MAP3K7CL: variants seen among roughly 807,000 people sequenced by gnomAD.
MAP3K7CL encodes MAP3K7 C-terminal like.
In MAP3K7CL, 16 loss-of-function variants were observed where a neutral mutation model predicts 18.6. That is an observed-to-expected ratio of 0.86 (90% CI 0.58 to 1.31). The LOEUF (loss-of-function observed/expected upper bound fraction) is 1.31. MAP3K7CL is among the 50% of genes most tolerant of loss of function. The pLI is 0.00. For synonymous variants in MAP3K7CL, 65 were observed against 66.8 expected (o/e 0.97, Z 0.13); for missense variants, 163 against 174.4 (o/e 0.93, Z 0.37).
chr21:29,168,973 T>C (rs2087757331), intron 4 of MAP3K7CL, among the ~76,000 whole-genome samples: 1 of 152,224 alleles, frequency 6.6e-6, no homozygotes, highest in Non-Finnish European at 1.5e-5. Flanking sequence ...TGATTGATAG[T>C]GGGAATCTCC....
intron 2 of MAP3K7CL, among the ~76,000 whole-genome samples, chr21:29,136,924 C>T (rs1162719849): frequency 6.6e-6 from 1 of 151,138 alleles, no homozygotes; most frequent in Non-Finnish European, 1.5e-5. Context: ...AAGGATATGG[C>T]TTTACAGCCA....
intron 4 of MAP3K7CL, among the ~76,000 whole-genome samples, chr21:29,119,662 CT>C (rs58443653): frequency 0.024 from 3,262 of 135,060 alleles, 97 homozygotes; most frequent in African/African-American, 0.081. Flanking sequence ...AATCCTAAAA[CT>C]TTTTTTTTTT....
At chr21:29,148,210 ATC>A (rs991996084) in intron 2 of MAP3K7CL, among the ~76,000 whole-genome samples, 3 of 151,890 alleles carry the variant, frequency 2.0e-5, no homozygotes, top group Admixed American at 1.3e-4. Context: ...CCTGTACTGT[ATC>A]TCTATTATAT....
At chr21:29,141,229 T>C (rs2086999772) in intron 2 of MAP3K7CL, among the ~76,000 whole-genome samples, 1 of 152,126 alleles carries the variant, frequency 6.6e-6, no homozygotes, top group Non-Finnish European at 1.5e-5. Context: ...ATAAAATTTG[T>C]CCTTGGCTGG....
At chr21:29,129,872 T>C (rs754900747), upstream of MAP3K7CL, among the ~76,000 whole-genome samples, 6 of 152,238 alleles carry the variant, frequency 3.9e-5, no homozygotes, top group Non-Finnish European at 5.9e-5. Flanking sequence ...TGGTATTTCA[T>C]TGTTGTCTTA....
chr21:29,079,312 G>A (rs891080971), intron 1 of MAP3K7CL, among the ~76,000 whole-genome samples: 3 of 152,244 alleles, frequency 2.0e-5, no homozygotes, highest in African/African-American at 7.2e-5. Flanking sequence ...AGTGCCAAGA[G>A]ACAGGAAGGA....
At chr21:29,107,272 G>A (rs1242950246) in intron 4 of MAP3K7CL, among the ~76,000 whole-genome samples, 4 of 152,002 alleles carry the variant, frequency 2.6e-5, no homozygotes, top group Admixed American at 6.6e-5. Context: ...CAGGGATCTC[G>A]CCACTGCACT....
chr21:29,139,777 G>T (rs2086963988), intron 2 of MAP3K7CL, among the ~76,000 whole-genome samples: 1 of 151,686 alleles, frequency 6.6e-6, no homozygotes, highest in Non-Finnish European at 1.5e-5. Context: ...TAGAGATGGG[G>T]TTTCCCCATG....
At chr21:29,095,399 T>C (rs561405028) in intron 4 of MAP3K7CL, among the ~76,000 whole-genome samples, 1 of 152,284 alleles carries the variant, frequency 6.6e-6, no homozygotes, top group African/African-American at 2.4e-5. Context: ...CTGTTCTGCA[T>C]GTCATCTGAT....
chr21:29,150,771 C>CTTT (rs34512099), intron 3 of MAP3K7CL, among the ~76,000 whole-genome samples: 34 of 127,136 alleles, frequency 2.7e-4, no homozygotes, highest in Admixed American at 4.1e-4. Context: ...TCTACCTTTC[C>CTTT]TTTTTTTTTT....
At chr21:29,172,236 A>ATT (rs2087852962) in intron 4 of MAP3K7CL, among the ~76,000 whole-genome samples, 1 of 53,320 alleles carries the variant, frequency 1.9e-5, no homozygotes, top group East Asian at 4.2e-4. Flanking sequence ...CTGTGTTGTC[A>ATT]TTTTCTTTTT....
intron 1 of MAP3K7CL, among the ~76,000 whole-genome samples, chr21:29,088,219 G>A (rs894140490): frequency 2.6e-5 from 4 of 152,136 alleles, no homozygotes; most frequent in African/African-American, 9.7e-5. Flanking sequence ...ACTATGAAAG[G>A]TGAAGCTTTA....
chr21:29,092,591 C>T (rs371044528), intron 4 of MAP3K7CL: 5 of 1,612,634 alleles, frequency 3.1e-6, no homozygotes, highest in Non-Finnish European at 4.2e-6. Flanking sequence ...GGTGAGTATT[C>T]CGTCCACTTT....
intron 2 of MAP3K7CL, among the ~76,000 whole-genome samples, chr21:29,143,518 GT>G (rs1160671016): frequency 6.6e-6 from 1 of 151,916 alleles, no homozygotes; most frequent in Non-Finnish European, 1.5e-5. Flanking sequence ...CGCCTTCTGG[GT>G]TCAAGCAATT....
intron 4 of MAP3K7CL, among the ~76,000 whole-genome samples, chr21:29,123,055 C>CTTTTTTT (rs1166550061): frequency 3.4e-5 from 3 of 89,318 alleles, no homozygotes; most frequent in East Asian, 3.5e-4. Flanking sequence ...AAGAAATGAT[C>CTTTTTTT]TTTTTTTTTT....
chr21:29,106,640 C>CT (rs2086327945), intron 4 of MAP3K7CL, among the ~76,000 whole-genome samples: 1 of 152,194 alleles, frequency 6.6e-6, no homozygotes, highest in South Asian at 2.1e-4. Flanking sequence ...AAGGATCAGA[C>CT]ATGAGTTCAG....
intron 1 of MAP3K7CL, among the ~76,000 whole-genome samples, chr21:29,086,921 C>T (rs773531845): frequency 4.6e-5 from 7 of 152,176 alleles, no homozygotes; most frequent in Non-Finnish European, 1.0e-4. Context: ...TCTCAGTCTT[C>T]ACGACCATCC....
upstream of MAP3K7CL, among the ~76,000 whole-genome samples, chr21:29,130,028 G>A (rs2086749384): frequency 6.6e-6 from 1 of 152,082 alleles, no homozygotes; most frequent in Admixed American, 6.6e-5. Context: ...TGAATTTTAA[G>A]AGTTCATTGT....
upstream of MAP3K7CL, among the ~76,000 whole-genome samples, chr21:29,126,372 A>C (rs555394052): frequency 1.9e-4 from 29 of 152,360 alleles, no homozygotes; most frequent in Admixed American, 7.8e-4. Flanking sequence ...GGCTGCCTTT[A>C]TGCTACAGAG....
Sources: allele counts gnomAD v4.1 joint callset (sites outside exome capture counted in the v4.1 genomes callset), GRCh38; gene constraint gnomAD v4.1.1; transcripts MANE v1.5; gene names NCBI Gene and HGNC (gene_info 2026-07-23, HGNC 2026-07-21).